NLGN1: variants seen among roughly 807,000 people sequenced by gnomAD.
The protein encoded by NLGN1 is neuroligin-1.
NLGN1 carries 12 observed loss-of-function variants against 65.5 expected under a neutral mutation model. The observed-to-expected ratio is 0.18, with a 90% CI of 0.12 to 0.30. The LOEUF is 0.30. Among genes scored for constraint, NLGN1 ranks in the 10% least tolerant of loss-of-function variants. The pLI is 1.00. For synonymous variants in NLGN1, 350 were observed against 359.5 expected (o/e 0.97, Z 0.30); for missense variants, 750 against 1,007.1 (o/e 0.74, Z 3.46).
At chr3:174,027,168 G>T (rs1360893967) in intron 4 of NLGN1, among the ~76,000 whole-genome samples, 1 of 151,838 alleles carries the variant, frequency 6.6e-6, no homozygotes, top group Non-Finnish European at 1.5e-5. Flanking sequence ...TGAGGTTCCT[G>T]CATACTATAA....
At chr3:173,808,589 A>G (rs1260946350) in intron 4 of NLGN1, among the ~76,000 whole-genome samples, 1 of 152,128 alleles carries the variant, frequency 6.6e-6, no homozygotes, top group Admixed American at 6.6e-5. Flanking sequence ...TATTACCACA[A>G]TTTGAGGAGT....
intron 3 of NLGN1, among the ~76,000 whole-genome samples, chr3:173,769,713 C>T (rs1262003627): frequency 6.6e-6 from 1 of 152,168 alleles, no homozygotes; most frequent in Non-Finnish European, 1.5e-5. Context: ...TGATTGGAAA[C>T]ACAGAAGAGT....
At chr3:173,684,088 A>G (rs1379554725) in intron 3 of NLGN1, among the ~76,000 whole-genome samples, 3 of 152,224 alleles carry the variant, frequency 2.0e-5, no homozygotes, top group Admixed American at 6.5e-5. Flanking sequence ...ACTTAATTGT[A>G]TATAACAAGT....
intron 4 of NLGN1, among the ~76,000 whole-genome samples, chr3:174,075,125 A>G (rs1233645184): frequency 1.3e-5 from 2 of 152,150 alleles, no homozygotes; most frequent in Non-Finnish European, 2.9e-5. Context: ...TACAAAATCT[A>G]CCATAAATCT....
At chr3:174,036,286 A>G (rs1171475195) in intron 4 of NLGN1, among the ~76,000 whole-genome samples, 2 of 152,114 alleles carry the variant, frequency 1.3e-5, no homozygotes, top group Non-Finnish European at 2.9e-5. Flanking sequence ...TGTAGTACTG[A>G]TTATGTGATT....
intron 2 of NLGN1, among the ~76,000 whole-genome samples, chr3:173,580,226 A>G (rs562377396): frequency 6.6e-6 from 1 of 152,230 alleles, no homozygotes; most frequent in South Asian, 2.1e-4. Flanking sequence ...GCTTCCTCAC[A>G]TGATCCATTT....
chr3:173,944,993 G>T (rs1308957292), intron 4 of NLGN1, among the ~76,000 whole-genome samples: 1 of 152,058 alleles, frequency 6.6e-6, no homozygotes, highest in Non-Finnish European at 1.5e-5. Context: ...TGAGATGGAG[G>T]TCACTTACTG....
rs773640348 is a variant in NLGN1, at chr3:173,844,099, A to G, written c.646+36267A>G. ...CTTGTGCAGGAAAACTCCTGTTTTT[A>G]AAACCATGAGATCTCATGAGCCTCA... On this transcript the variant is annotated intron_variant, in intron 4 of 6. Coordinates refer to ENST00000457714, the Ensembl canonical transcript of NLGN1. Among the ~76,000 whole-genome samples the G allele has an allele frequency of 5.1e-4, 78 of 152,198 alleles. 1 individual carries two copies. The highest frequency in any genetic ancestry group is 8.8e-4 in the Non-Finnish European group (60 of 68,034).
chr3:173,481,122 G>T (rs139937921), intron 2 of NLGN1, among the ~76,000 whole-genome samples: 29 of 152,050 alleles, frequency 1.9e-4, no homozygotes, highest in African/African-American at 6.7e-4. Context: ...AAGGCAGTTT[G>T]GTTCCAGAAT....
intron 3 of NLGN1, among the ~76,000 whole-genome samples, chr3:173,802,282 T>A (rs1300962944): frequency 6.6e-6 from 1 of 152,176 alleles, no homozygotes; most frequent in African/African-American, 2.4e-5. Context: ...TTAACATTTT[T>A]AAATAGCCAT....
At chr3:173,479,030 A>T (rs1483100617) in intron 2 of NLGN1, among the ~76,000 whole-genome samples, 2 of 152,154 alleles carry the variant, frequency 1.3e-5, no homozygotes, top group Non-Finnish European at 2.9e-5. Flanking sequence ...ATGAGTATAG[A>T]CTATTCTTTC....
At chr3:173,552,408 A>T (rs1227492103) in intron 2 of NLGN1, among the ~76,000 whole-genome samples, 1 of 151,784 alleles carries the variant, frequency 6.6e-6, no homozygotes, top group Non-Finnish European at 1.5e-5. Context: ...AGCAGTGGAG[A>T]CCTAATATGA....
chr3:173,580,699 T>G (rs1260538620), intron 2 of NLGN1, among the ~76,000 whole-genome samples: 1 of 152,010 alleles, frequency 6.6e-6, no homozygotes, highest in Non-Finnish European at 1.5e-5. Flanking sequence ...TCACTTCTCC[T>G]TTTACTCCTC....
At chr3:174,114,285 C>G (rs181871478) in intron 4 of NLGN1, among the ~76,000 whole-genome samples, 1 of 152,230 alleles carries the variant, frequency 6.6e-6, no homozygotes. Context: ...ATTGCAGTAG[C>G]AAACATATTT....
At chr3:173,609,002 C>T (rs1751839281) in intron 3 of NLGN1, among the ~76,000 whole-genome samples, 1 of 151,980 alleles carries the variant, frequency 6.6e-6, no homozygotes, top group African/African-American at 2.4e-5. Context: ...CTCCTGGCTG[C>T]TATCAAGGAG....
chr3:173,458,864 A>C (rs994810634), intron 2 of NLGN1, among the ~76,000 whole-genome samples: 8 of 152,090 alleles, frequency 5.3e-5, no homozygotes, highest in Non-Finnish European at 1.5e-5. Flanking sequence ...CAGCAGTTCT[A>C]AGTCTTGTGT....
chr3:173,800,248 A>G (rs1253096746), intron 3 of NLGN1: 1 of 690,186 alleles, frequency 1.4e-6, no homozygotes, highest in South Asian at 2.1e-5. Flanking sequence ...TTATTCTTGA[A>G]TTGTCTTTTT....
intron 4 of NLGN1, among the ~76,000 whole-genome samples, chr3:174,162,044 A>T (rs1019666536): frequency 1.3e-5 from 2 of 151,832 alleles, no homozygotes; most frequent in Non-Finnish European, 2.9e-5. Flanking sequence ...AAACAATGAC[A>T]GTTAACTCCT....
At chr3:174,056,314 T>A (rs1736061863) in intron 4 of NLGN1, among the ~76,000 whole-genome samples, 1 of 152,076 alleles carries the variant, frequency 6.6e-6, no homozygotes, top group African/African-American at 2.4e-5. Flanking sequence ...TCTTTCAGAT[T>A]ATCAAAGTGT....
Sources: allele counts gnomAD v4.1 joint callset (sites outside exome capture counted in the v4.1 genomes callset), GRCh38; gene constraint gnomAD v4.1.1; transcripts MANE v1.5; gene names NCBI Gene and HGNC (gene_info 2026-07-23, HGNC 2026-07-21).